EIF3D: variants seen among roughly 807,000 people sequenced by gnomAD.
The protein encoded by EIF3D is eukaryotic translation initiation factor 3 subunit D, also known as eIF3 p66.
EIF3D carries 10 observed loss-of-function variants against 75.4 expected under a neutral mutation model. The ratio of observed to expected loss-of-function variants is 0.13; its 90% CI spans 0.08 to 0.22. The LOEUF is 0.22. Among genes scored for constraint, EIF3D ranks in the 10% least tolerant of loss-of-function variants. The pLI is 1.00. For missense variants in EIF3D, 394 were observed against 708.0 expected (o/e 0.56, Z 5.03); for synonymous variants, 246 against 248.3 (o/e 0.99, Z 0.09).
chr22:36,523,350 G>A, intron 5 of EIF3D, 69 bp from the exon 6 acceptor site: 1 of 1,218,756 alleles, frequency 8.2e-7, no homozygotes, highest in Non-Finnish European at 1.2e-6. Flanking sequence ...GGCACACGCT[G>A]CCATTCTCTT....
intron 14 of EIF3D, 157 bp from the exon 15 acceptor site, chr22:36,511,157 T>C (rs1192642350): frequency 2.1e-6 from 2 of 966,232 alleles, no homozygotes; most frequent in East Asian, 2.7e-5. Flanking sequence ...AGGTATTTCC[T>C]TCAGTCACCA....
intron 9 of EIF3D, among the ~76,000 whole-genome samples, chr22:36,518,546 G>A (rs1056152511): frequency 2.6e-5 from 4 of 151,928 alleles, no homozygotes; most frequent in Non-Finnish European, 5.9e-5. Context: ...TGCTATTAGG[G>A]TGCTGTGAGG....
At chr22:36,528,696 A>G (rs2093294120) in intron 1 of EIF3D, 1 of 152,156 alleles carries the variant, frequency 6.6e-6, no homozygotes, top group Non-Finnish European at 1.5e-5. Context: ...TGAATTCCTA[A>G]GAACAGGGGC....
At chr22:36,519,603 C>G (rs974404236) in intron 7 of EIF3D, 66 bp from the exon 8 acceptor site, 55 of 1,601,236 alleles carry the variant, frequency 3.4e-5, no homozygotes, top group Middle Eastern at 3.3e-4. Flanking sequence ...TCTTTTAAGC[C>G]ATACATCCAG....
chr22:36,529,156 C>G lies in EIF3D; in HGVS notation c.-91G>C, dbSNP rs940435621. The G allele has an allele frequency of 1.0e-5, 4 of 397,322 alleles. No individual in the cohort carries two copies. The highest frequency in any genetic ancestry group is 4.1e-5 in the African/African-American group (2 of 48,628). The allele number at this position is 397,322 out of a possible 1,614,324, so 24.6% of individuals were successfully genotyped here. On this transcript the variant is annotated 5_prime_UTR_variant, in exon 1 of 15. Transcript: ENST00000216190. The stretch of plus-strand genomic sequence containing the variant: ...GTTAGCAGCAGCACTCTTGAGAAAC[C>G]AGGAAAAGAGGAAACATGCGCGCGC...
intron 10 of EIF3D, 80 bp downstream of exon 10, chr22:36,517,221 G>A: frequency 6.3e-7 from 1 of 1,596,138 alleles, no homozygotes. Context: ...ACAACCAAGA[G>A]CCTAGCACAA....
chr22:36,517,487 C>A, intron 9 of EIF3D, 56 bp from the exon 10 acceptor site: 1 of 1,556,314 alleles, frequency 6.4e-7, no homozygotes, highest in Non-Finnish European at 8.7e-7. Flanking sequence ...TGACAATGTG[C>A]GCAGCGCTGT....
At chr22:36,516,986 G>A (rs1421728232) in intron 10 of EIF3D, 196 bp from the exon 11 acceptor site, 2 of 623,872 alleles carry the variant, frequency 3.2e-6, no homozygotes, top group African/African-American at 1.8e-5. Context: ...TTAGAACAAT[G>A]ACTTAGTAAC....
chr22:36,516,576 C>G lies in EIF3D; in HGVS notation c.1108G>C (p.Asp370His), dbSNP rs202079294. 91 of 1,614,124 alleles carry G rather than the reference C, an allele frequency of 5.6e-5. 1 individual carries two copies. In the East Asian group the frequency reaches 2.0e-3, roughly 36 times the overall value. Residue 370 changes from aspartate to histidine, a missense_variant, in exon 12 of 15, where the codon GAC becomes CAC. Transcript: ENST00000216190. ...YRRWKLGDDIDLIVRCEHDGV... is the reference protein window; with the variant it reads ...YRRWKLGDDIHLIVRCEHDGV... Reference sequence around the variant, plus strand: ...TCGTGCTCACAACGGACAATAAGGTCAATATCATCTCCAAGCTTCCACCTG... The same window carrying G: ...TCGTGCTCACAACGGACAATAAGGTGAATATCATCTCCAAGCTTCCACCTG...
Sources: allele counts gnomAD v4.1 joint callset (sites outside exome capture counted in the v4.1 genomes callset), GRCh38; gene constraint gnomAD v4.1.1; transcripts MANE v1.5; gene names NCBI Gene and HGNC (gene_info 2026-07-23, HGNC 2026-07-21).